Variants in ROBO2 observed in about 807,000 individuals in gnomAD.
ROBO2 encodes roundabout homolog 2.
A neutral mutation model predicts 160.8 loss-of-function variants in ROBO2; 53 were observed. The observed-to-expected ratio is 0.33, with a 90% CI of 0.26 to 0.41. ROBO2 has a LOEUF of 0.41. Among genes scored for constraint, ROBO2 ranks in the 10% least tolerant of loss-of-function variants. The pLI is 1.00. For synonymous variants in ROBO2, 664 were observed against 611.7 expected (o/e 1.09, Z -1.26); for missense variants, 1,577 against 1,722.4 (o/e 0.92, Z 1.49).
chr3:77,138,274 G>A (rs911864224), intron 2 of ROBO2, among the ~76,000 whole-genome samples: 1 of 152,082 alleles, frequency 6.6e-6, no homozygotes, highest in South Asian at 2.1e-4. Flanking sequence ...TGTGATTATA[G>A]TTTGTGAAAA....
intron 2 of ROBO2, among the ~76,000 whole-genome samples, chr3:76,487,897 C>T (rs896845408): frequency 1.3e-5 from 2 of 152,196 alleles, no homozygotes; most frequent in Non-Finnish European, 2.9e-5. Flanking sequence ...ACATCCTCAA[C>T]ACCAGCAAGA....
At chr3:77,098,452 A>C (rs1251061080) in intron 2 of ROBO2, 112 bp downstream of exon 2, 2 of 1,090,722 alleles carry the variant, frequency 1.8e-6, no homozygotes, top group East Asian at 2.5e-5. Flanking sequence ...CACACTGCAT[A>C]ATTTTACTTG....
rs565830669 is a variant in ROBO2, at chr3:75,969,874, G to A, written c.109+32272G>A. On this transcript the variant is annotated intron_variant, in intron 2 of 26. Coordinates refer to the ROBO2 transcript ENST00000487694. Reference sequence around the variant, plus strand: ...TTTGTTGAATGTTTGCTGTGAAGAAGCTTTTTAGTTTGATGCAGTCTTACT... The same window carrying A: ...TTTGTTGAATGTTTGCTGTGAAGAAACTTTTTAGTTTGATGCAGTCTTACT... 5.3e-5 allele frequency among the ~76,000 whole-genome samples: 8 copies of A among 151,628 alleles called. No individual in the cohort carries two copies. In the East Asian group the frequency reaches 1.4e-3, roughly 26 times the overall value.
At chr3:77,237,778 A>G (rs1034360042) in intron 2 of ROBO2, among the ~76,000 whole-genome samples, 7 of 152,142 alleles carry the variant, frequency 4.6e-5, no homozygotes, top group African/African-American at 1.4e-4. Context: ...TCTACATTGC[A>G]TCATAAAAGT....
At position 76,641,103 on chromosome 3, in the gene ROBO2, C is replaced by A. The variant is rs182773114; in HGVS notation, c.110-456911C>A. ...CACCATTGGACATAAGCCACAGTAA[C>A]TATTGCAGGCAAAATATACTAATCA... On this transcript the variant is annotated intron_variant, in intron 2 of 26. Transcript: ENST00000487694. Among the ~76,000 whole-genome samples the A allele has an allele frequency of 4.3e-4, 65 of 152,290 alleles. 2 individuals carry two copies. Among genetic ancestry groups the A allele is most frequent in the Non-Finnish European group, 1.2e-4 (8 of 68,018 alleles).
At chr3:76,611,741 ATTGTT>A (rs2088144009) in intron 2 of ROBO2, among the ~76,000 whole-genome samples, 1 of 151,838 alleles carries the variant, frequency 6.6e-6, no homozygotes, top group South Asian at 2.1e-4. Flanking sequence ...GATCATTTGT[ATTGTT>A]TTCTTTCTTT....
At chr3:76,509,379 C>T (rs1048656658) in intron 2 of ROBO2, among the ~76,000 whole-genome samples, 1 of 152,100 alleles carries the variant, frequency 6.6e-6, no homozygotes, top group Non-Finnish European at 1.5e-5. Context: ...GAGTGCCCGA[C>T]TTGGTTTTGG....
intron 2 of ROBO2, among the ~76,000 whole-genome samples, chr3:76,131,333 A>G (rs2106674226): frequency 6.6e-6 from 1 of 152,282 alleles, no homozygotes; most frequent in South Asian, 2.1e-4. Flanking sequence ...TCAGAAAGGC[A>G]TTGTGACAGG....
chr3:77,228,757 G>A (rs2086803613), intron 2 of ROBO2, among the ~76,000 whole-genome samples: 1 of 152,114 alleles, frequency 6.6e-6, no homozygotes, highest in Admixed American at 6.5e-5. Context: ...AAACTTGCAA[G>A]ATTAAAAAGA....
At chr3:77,574,706 A>G in exon 14 of ROBO2, 2 of 1,612,996 alleles carry the variant, frequency 1.2e-6, no homozygotes, top group Non-Finnish European at 1.7e-6. Context: ...TAGTGAATCT[A>G]AAACGGTTCG....
At chr3:76,658,579 A>T (rs878866101) in intron 2 of ROBO2, among the ~76,000 whole-genome samples, 1 of 152,144 alleles carries the variant, frequency 6.6e-6, no homozygotes, top group South Asian at 2.1e-4. Flanking sequence ...CAGTGAGAAC[A>T]TGCAGTGCTT....
chr3:76,304,504 A>T (rs569377395), intron 2 of ROBO2, among the ~76,000 whole-genome samples: 2 of 152,312 alleles, frequency 1.3e-5, no homozygotes, highest in East Asian at 3.9e-4. Context: ...CTAATTTACT[A>T]CTGTCTCTTT....
At chr3:76,356,629 T>C (rs2075185267) in intron 2 of ROBO2, among the ~76,000 whole-genome samples, 1 of 151,610 alleles carries the variant, frequency 6.6e-6, no homozygotes, top group East Asian at 1.9e-4. Flanking sequence ...ATAACAGAAC[T>C]TCAACTTCAC....
At chr3:76,513,845 G>A (rs1337784361) in intron 2 of ROBO2, among the ~76,000 whole-genome samples, 1 of 152,066 alleles carries the variant, frequency 6.6e-6, no homozygotes, top group Admixed American at 6.5e-5. Context: ...GTGAAACGAT[G>A]AGCAAATGTC....
Position 76,491,315 on chromosome 3 carries a change from C to T in ROBO2, c.109+553713C>T, listed in dbSNP as rs367630611. ...ATCAGCCGTAGAGCATATGATCTCC[C>T]TTATCCCATTCCATGCTCAGTCTTC... is the stretch of plus-strand genomic sequence containing the variant. On this transcript the variant is annotated intron_variant, in intron 2 of 26. Coordinates refer to the ROBO2 transcript ENST00000487694. 5.9e-5 allele frequency among the ~76,000 whole-genome samples: 9 copies of T among 152,122 alleles called. No individual in the cohort carries two copies. In the East Asian group the frequency reaches 1.2e-3, roughly 20 times the overall value.
intron 24 of ROBO2, among the ~76,000 whole-genome samples, chr3:77,643,692 A>C (rs9845024): frequency 0.44 from 66,602 of 151,950 alleles, 15,199 homozygotes; most frequent in Admixed American, 0.52. Flanking sequence ...TCTTTGAAAA[A>C]ATGTCTTTTC....
chr3:76,356,020 CAG>C (rs2075141952), intron 2 of ROBO2, among the ~76,000 whole-genome samples: 1 of 151,378 alleles, frequency 6.6e-6, no homozygotes, highest in Non-Finnish European at 1.5e-5. Context: ...CTCAAGAAAA[CAG>C]AGAAATGAAA....
At chr3:76,331,865 G>A (rs895950778) in intron 2 of ROBO2, among the ~76,000 whole-genome samples, 1 of 151,802 alleles carries the variant, frequency 6.6e-6, no homozygotes, top group Non-Finnish European at 1.5e-5. Flanking sequence ...TGTATTTTTA[G>A]TAGAGACGGA....
intron 2 of ROBO2, among the ~76,000 whole-genome samples, chr3:77,174,057 C>T (rs990921332): frequency 2.0e-5 from 3 of 151,962 alleles, no homozygotes; most frequent in South Asian, 2.1e-4. Flanking sequence ...TAATTCTCAC[C>T]GTTGCTTTCC....
Sources: gnomAD v4.1 joint callset for allele counts (sites outside exome capture counted in the v4.1 genomes callset) on GRCh38, gnomAD v4.1.1 for gene constraint, MANE v1.5 for transcripts, NCBI Gene and HGNC (gene_info 2026-07-23, HGNC 2026-07-21) for gene names.